Variants in MYO3B observed in about 807,000 individuals in gnomAD.
MYO3B encodes myosin IIIB.
In MYO3B, 156 loss-of-function variants were observed where a neutral mutation model predicts 174.6. The ratio of observed to expected loss-of-function variants is 0.89; its 90% confidence interval spans 0.78 to 1.02. The LOEUF (loss-of-function observed/expected upper bound fraction) is 1.02, where lower values mean the gene tolerates loss of function less well. MYO3B is among the 50% of genes least tolerant of loss of function. The pLI is 0.00. For synonymous variants in MYO3B, 563 were observed against 569.1 expected, an observed-to-expected ratio of 0.99 and a Z score of 0.15; for missense variants, 1,632 against 1,639.4, an observed-to-expected ratio of 1.00 and a Z score of 0.08.
intron 32 of MYO3B, chr2:170,650,019 C>CTTTTTTTT (rs1017785949): frequency 1.5e-5 from 1 of 65,614 alleles, no homozygotes; most frequent in Non-Finnish European, 2.7e-5. Flanking sequence ...ATGTGATAGT[C>CTTTTTTTT]TTTTTTTTTT....
At chr2:170,592,128 A>G (rs964639075) in intron 32 of MYO3B, among the ~76,000 whole-genome samples, 5 of 152,146 alleles carry the variant, frequency 3.3e-5, no homozygotes, top group East Asian at 1.9e-4. Flanking sequence ...TGGGATTCCA[A>G]CCAGATCTAC....
At position 170,217,320 on chromosome 2, in the gene MYO3B, T is replaced by C; in HGVS notation, c.528T>C (p.Gly176=). The change falls in exon 6 of 35, where the codon GGT becomes GGC. Residue 176 remains glycine (G), a splice_region_variant and synonymous_variant. Transcript: ENST00000408978. ...AATTCTGATACTCTTTCCTTATAGG[T>C]GTTTCAGCTCAACTCACCAGTACAC... ...TEGGVKLVDF[G]VSAQLTSTRL... 1.2e-6 allele frequency: 2 copies of C among 1,613,808 alleles called. No individual in the cohort carries two copies. Among genetic ancestry groups the C allele is most frequent in the Non-Finnish European group, 1.7e-6 (2 of 1,179,714 alleles).
chr2:170,250,623 T>G (rs1377588630), intron 7 of MYO3B, among the ~76,000 whole-genome samples: 1 of 152,218 alleles, frequency 6.6e-6, no homozygotes, highest in Non-Finnish European at 1.5e-5. Context: ...CAGTAGATCC[T>G]CTGCCTTTTT....
chr2:170,593,482 T>C (rs781428742), intron 32 of MYO3B, among the ~76,000 whole-genome samples: 2 of 152,178 alleles, frequency 1.3e-5, no homozygotes, highest in Non-Finnish European at 2.9e-5. Context: ...TTTACCTAAG[T>C]CAGTTGATTG....
At chr2:170,238,293 T>C (rs1361824129) in intron 7 of MYO3B, among the ~76,000 whole-genome samples, 2 of 152,186 alleles carry the variant, frequency 1.3e-5, no homozygotes, top group Non-Finnish European at 2.9e-5. Context: ...AAAAAGGCAT[T>C]CAAATTATTT....
At chr2:170,451,469 C>A (rs1425381057) in intron 23 of MYO3B, among the ~76,000 whole-genome samples, 9 of 152,236 alleles carry the variant, frequency 5.9e-5, no homozygotes, top group Admixed American at 3.9e-4. Context: ...AACCTAATAT[C>A]TGACCTAATT....
At chr2:170,507,731 T>G (rs1435248429) in intron 28 of MYO3B, among the ~76,000 whole-genome samples, 1 of 145,378 alleles carries the variant, frequency 6.9e-6, no homozygotes, top group Non-Finnish European at 1.5e-5. Context: ...TAACATATCT[T>G]GTAGGGGGAA....
intron 23 of MYO3B, among the ~76,000 whole-genome samples, chr2:170,458,962 T>C (rs530406240): frequency 6.6e-6 from 1 of 152,046 alleles, no homozygotes; most frequent in Admixed American, 6.5e-5. Flanking sequence ...TCGCGGTGAG[T>C]GTTACAGTTC....
chr2:170,227,886 T>C (rs1322319494), intron 6 of MYO3B, among the ~76,000 whole-genome samples: 1 of 152,184 alleles, frequency 6.6e-6, no homozygotes, highest in Non-Finnish European at 1.5e-5. Flanking sequence ...TGAGCGCATA[T>C]ATCTCTTAAC....
At chr2:170,211,707 T>C (rs1048577508) in intron 3 of MYO3B, among the ~76,000 whole-genome samples, 1 of 152,124 alleles carries the variant, frequency 6.6e-6, no homozygotes, top group Non-Finnish European at 1.5e-5. Flanking sequence ...CTAGGCATCA[T>C]TGTGAAATGA....
At chr2:170,544,025 C>G in intron 32 of MYO3B, 37 bp downstream of exon 32, 1 of 1,471,220 alleles carries the variant, frequency 6.8e-7, no homozygotes, top group Non-Finnish European at 9.5e-7. Context: ...CGGCTTCTAC[C>G]ATTTGCATGT....
At position 170,182,258 on chromosome 2, in the gene MYO3B, T is replaced by TA. The variant is rs545071059; in HGVS notation, c.2+3975dup. 3.6e-3 allele frequency among the ~76,000 whole-genome samples: 543 copies of TA among 152,212 alleles called. 7 individuals are homozygous for TA. The highest frequency in any genetic ancestry group is 0.012 in the African/African-American group (519 of 41,546). ...TATAATGTATTTAGCTATATTTTTT[T>TA]AAAAAATTTTGAGCCACCATACTCT... On this transcript the variant is annotated intron_variant, in intron 1 of 34. Coordinates refer to ENST00000408978, the MANE Select transcript of MYO3B (RefSeq NM_138995.5).
At chr2:170,343,358 A>C (rs1039703135) in intron 8 of MYO3B, 3 of 152,176 alleles carry the variant, frequency 2.0e-5, no homozygotes, top group Non-Finnish European at 4.4e-5. Context: ...TCCCCTGAGC[A>C]CAGGAGTTTG....
At chr2:170,563,173 CAG>C (rs1691856311) in intron 32 of MYO3B, among the ~76,000 whole-genome samples, 1 of 151,470 alleles carries the variant, frequency 6.6e-6, no homozygotes, top group South Asian at 2.1e-4. Context: ...AAGAATCAAA[CAG>C]AATCTCAGCA....
At chr2:170,417,198 G>A (rs907829995) in intron 22 of MYO3B, among the ~76,000 whole-genome samples, 2 of 152,012 alleles carry the variant, frequency 1.3e-5, no homozygotes, top group African/African-American at 4.8e-5. Context: ...TCTACCCAAT[G>A]GAAAGTAGCC....
chr2:170,454,225 C>T (rs893879458), intron 23 of MYO3B, among the ~76,000 whole-genome samples: 2 of 152,178 alleles, frequency 1.3e-5, no homozygotes, highest in Admixed American at 1.3e-4. Context: ...TCTCTGGAAC[C>T]AAGACTCTTC....
At chr2:170,432,669 C>T (rs536225945) in intron 22 of MYO3B, among the ~76,000 whole-genome samples, 15 of 151,880 alleles carry the variant, frequency 9.9e-5, no homozygotes, top group East Asian at 3.9e-4. Flanking sequence ...CTCCGCCTCC[C>T]GGGTTCGCAC....
chr2:170,574,514 G>A (rs1692664902), intron 32 of MYO3B, among the ~76,000 whole-genome samples: 1 of 152,110 alleles, frequency 6.6e-6, no homozygotes, highest in Non-Finnish European at 1.5e-5. Context: ...ATGGCATGCA[G>A]AAGATAAATA....
chr2:170,253,981 A>G (rs931641776), intron 7 of MYO3B, among the ~76,000 whole-genome samples: 5 of 152,170 alleles, frequency 3.3e-5, no homozygotes, highest in Non-Finnish European at 7.3e-5. Flanking sequence ...GCAGTAAATC[A>G]TCACACTTTG....
Sources: gnomAD v4.1 joint callset for allele counts (sites outside exome capture counted in the v4.1 genomes callset) on GRCh38, gnomAD v4.1.1 for gene constraint, MANE v1.5 for transcripts, NCBI Gene and HGNC (gene_info 2026-07-23, HGNC 2026-07-21) for gene names.